CDH13: variants seen among roughly 807,000 people sequenced by gnomAD.
The protein encoded by CDH13 is cadherin 13.
In CDH13, 24 loss-of-function variants were observed where a neutral mutation model predicts 63.8. The observed-to-expected ratio is 0.38, with a 90% CI of 0.27 to 0.53. The LOEUF (loss-of-function observed/expected upper bound fraction) is 0.53, where lower values mean the gene tolerates loss of function less well. Ranked by LOEUF, CDH13 falls within the 20% of genes least tolerant of loss-of-function variation. CDH13 has a pLI of 0.85. For synonymous variants in CDH13, 503 were observed against 355.3 expected, an observed-to-expected ratio of 1.42 and a Z score of -4.67; for missense variants, 1,049 against 903.1, an observed-to-expected ratio of 1.16 and a Z score of -2.07.
intron 7 of CDH13, among the ~76,000 whole-genome samples, chr16:83,592,714 A>C (rs1906877281): frequency 6.6e-6 from 1 of 152,194 alleles, no homozygotes; most frequent in African/African-American, 2.4e-5. Flanking sequence ...CGCAGCCAGT[A>C]AATCTGGAGA....
chr16:83,234,842 C>A (rs536253878), intron 5 of CDH13, among the ~76,000 whole-genome samples: 1 of 152,146 alleles, frequency 6.6e-6, no homozygotes, highest in Non-Finnish European at 1.5e-5. Context: ...AGTGAAAGAA[C>A]CAAATGACAA....
rs3041877 is a variant in CDH13, at chr16:82,677,446, C to CTTTTTTTT, written c.45+50319_45+50326dup. ...TATACAAAGGAAAGGACTCTTCTGC[C>CTTTTTTTT]TTTTTTTTTTTTTTTTTGGTTTTTA... On this transcript the variant is annotated intron_variant, in intron 1 of 13. Transcript: ENST00000567109. Among the ~76,000 whole-genome samples, 11 of 130,710 alleles carry CTTTTTTTT rather than the reference C, an allele frequency of 8.4e-5. 2 individuals are homozygous for CTTTTTTTT. The highest frequency in any genetic ancestry group is 7.9e-5 in the Admixed American group (1 of 12,608). 85.8% of individuals were successfully genotyped at this position (130,710 alleles called of 152,430 possible). A position where few individuals can be genotyped will look rare whatever the true frequency, so the allele number is the denominator to read the frequency against.
At chr16:83,478,035 G>C (rs28714381) in intron 6 of CDH13, among the ~76,000 whole-genome samples, 3 of 151,730 alleles carry the variant, frequency 2.0e-5, no homozygotes, top group Non-Finnish European at 2.9e-5. Flanking sequence ...TAAAAAATTA[G>C]CCAGGCTTGG....
In CDH13 at chr16:82,885,301, GA is replaced by G. The variant is rs550939804; in HGVS notation, c.157+26836del. On this transcript the variant is annotated intron_variant, in intron 2 of 13. Transcript: ENST00000567109. ...ATTCTCCTGAAAACAGCAAAAAGAA[GA>G]AAAAAAATCATAAAAGATCTGCTGA... 1.9e-3 allele frequency among the ~76,000 whole-genome samples: 291 copies of G among 151,918 alleles called. 4 individuals are homozygous for G. The highest frequency in any genetic ancestry group is 6.8e-3 in the African/African-American group (280 of 41,436).
At chr16:83,636,094 T>C (rs1318333985) in intron 8 of CDH13, among the ~76,000 whole-genome samples, 1 of 99,074 alleles carries the variant, frequency 1.0e-5, no homozygotes, top group Non-Finnish European at 2.3e-5. Flanking sequence ...ATTGTCCCCT[T>C]GATTAAAAAA....
intron 11 of CDH13, among the ~76,000 whole-genome samples, chr16:83,748,764 A>G (rs553415033): frequency 8.5e-5 from 13 of 152,364 alleles, no homozygotes; most frequent in South Asian, 2.1e-4. Flanking sequence ...TGCACTATCC[A>G]TATGCCAGCC....
intron 2 of CDH13, among the ~76,000 whole-genome samples, chr16:82,935,645 C>G (rs2042644009): frequency 6.6e-6 from 1 of 152,034 alleles, no homozygotes; most frequent in Non-Finnish European, 1.5e-5. Context: ...AGCAGGGGTC[C>G]CCAACCTCTG....
chr16:83,169,463 C>T (rs918929926), intron 4 of CDH13, among the ~76,000 whole-genome samples: 1 of 152,036 alleles, frequency 6.6e-6, no homozygotes, highest in African/African-American at 2.4e-5. Flanking sequence ...TGTGAGCCAC[C>T]ACACCCGGCC....
intron 7 of CDH13, among the ~76,000 whole-genome samples, chr16:83,516,109 A>T (rs968176266): frequency 1.3e-5 from 2 of 152,238 alleles, no homozygotes; most frequent in Non-Finnish European, 2.9e-5. Flanking sequence ...TATCTTCATC[A>T]TAAAAGTGTA....
At chr16:83,655,988 C>T (rs909223831) in intron 8 of CDH13, among the ~76,000 whole-genome samples, 4 of 152,106 alleles carry the variant, frequency 2.6e-5, no homozygotes, top group Admixed American at 6.5e-5. Flanking sequence ...GCCTATTCAG[C>T]ACATATTCTG....
At chr16:83,156,693 A>G (rs1597434738) in intron 4 of CDH13, among the ~76,000 whole-genome samples, 1 of 152,212 alleles carries the variant, frequency 6.6e-6, no homozygotes, top group East Asian at 1.9e-4. Context: ...TCTTGACGAC[A>G]TGAAACCAGG....
At chr16:83,418,327 T>C (rs1343309919) in intron 6 of CDH13, among the ~76,000 whole-genome samples, 1 of 152,172 alleles carries the variant, frequency 6.6e-6, no homozygotes, top group African/African-American at 2.4e-5. Flanking sequence ...CTGAATTTTA[T>C]AGCCATAAAA....
At chr16:83,225,393 C>G (rs1246748989) in intron 5 of CDH13, among the ~76,000 whole-genome samples, 1 of 152,154 alleles carries the variant, frequency 6.6e-6, no homozygotes, top group East Asian at 1.9e-4. Context: ...CTTTTTGTTT[C>G]ATTAGTGGCA....
At chr16:83,342,494 A>T (rs1212003955) in intron 5 of CDH13, among the ~76,000 whole-genome samples, 1 of 152,168 alleles carries the variant, frequency 6.6e-6, no homozygotes, top group Non-Finnish European at 1.5e-5. Context: ...ACTTGTGTTG[A>T]TATTATTGTC....
chr16:82,655,571 G>A (rs1459510721), intron 1 of CDH13, among the ~76,000 whole-genome samples: 3 of 152,162 alleles, frequency 2.0e-5, no homozygotes, highest in Non-Finnish European at 4.4e-5. Flanking sequence ...GATGCTGAGA[G>A]TGATGGGAAA....
intron 2 of CDH13, among the ~76,000 whole-genome samples, chr16:82,883,232 G>T (rs936680316): frequency 2.0e-5 from 3 of 152,180 alleles, no homozygotes; most frequent in African/African-American, 7.2e-5. Context: ...ATGAAAGCAG[G>T]CAGTGTCATC....
chr16:83,002,123 C>A (rs999420224), intron 2 of CDH13, among the ~76,000 whole-genome samples: 1 of 152,184 alleles, frequency 6.6e-6, no homozygotes, highest in Non-Finnish European at 1.5e-5. Flanking sequence ...AAGATATGTC[C>A]ACATCCTAAT....
intron 1 of CDH13, among the ~76,000 whole-genome samples, chr16:82,642,825 A>T (rs1909584555): frequency 6.6e-6 from 1 of 152,202 alleles, no homozygotes; most frequent in Admixed American, 6.5e-5. Context: ...TGACTCTATA[A>T]AATATCTTCT....
intron 3 of CDH13, among the ~76,000 whole-genome samples, chr16:83,088,638 T>G (rs2151578137): frequency 6.6e-6 from 1 of 152,336 alleles, no homozygotes; most frequent in African/African-American, 2.4e-5. Context: ...AACAAAGTAT[T>G]TACATTCTTC....
Sources: allele counts gnomAD v4.1 joint callset (sites outside exome capture counted in the v4.1 genomes callset), GRCh38; gene constraint gnomAD v4.1.1; transcripts MANE v1.5; gene names NCBI Gene and HGNC (gene_info 2026-07-23, HGNC 2026-07-21).